Variants in PITPNC1 observed in about 807,000 individuals in gnomAD.
PITPNC1 encodes the protein phosphatidylinositol transfer protein cytoplasmic 1.
A neutral mutation model predicts 44.7 loss-of-function variants in PITPNC1; 18 were observed. That is an observed-to-expected ratio of 0.40 (90% CI 0.28 to 0.60). The LOEUF is 0.60. Among genes scored for constraint, PITPNC1 ranks in the 20% least tolerant of loss-of-function variants. PITPNC1 has a pLI of 0.39. For synonymous variants in PITPNC1, 141 were observed against 149.6 expected (o/e 0.94, Z 0.42); for missense variants, 290 against 418.4 (o/e 0.69, Z 2.68).
At chr17:67,617,583 G>A (rs906237868) in intron 5 of PITPNC1, among the ~76,000 whole-genome samples, 3 of 152,176 alleles carry the variant, frequency 2.0e-5, no homozygotes, top group African/African-American at 7.2e-5. Context: ...CAAATTGGGT[G>A]GTTTGAGACA....
rs1262667265 is a variant in PITPNC1, at chr17:67,694,724, T to C, written c.*1836T>C. On this transcript the variant is annotated 3_prime_UTR_variant, in exon 9 of 9. Coordinates refer to ENST00000581322, the MANE Select transcript of PITPNC1 (RefSeq NM_012417.4). ...ATGATAGTATCTTAGTAAGACACCT[T>C]CTATGCATGGTATGGAAGCATGATT... 6.6e-6 allele frequency: 1 copy of C among 152,220 alleles called. No homozygotes were observed. The highest frequency in any genetic ancestry group is 2.4e-5 in the African/African-American group (1 of 41,460). 9.4% of individuals were successfully genotyped at this position (152,220 alleles called of 1,614,324 possible).
At chr17:67,390,799 G>C (rs2038126827) in intron 1 of PITPNC1, among the ~76,000 whole-genome samples, 2 of 152,188 alleles carry the variant, frequency 1.3e-5, no homozygotes, top group African/African-American at 4.8e-5. Flanking sequence ...GGAGGAGGGA[G>C]TCTGGGGTCA....
chr17:67,483,476 C>T (rs575652271), intron 1 of PITPNC1, among the ~76,000 whole-genome samples: 98 of 152,250 alleles, frequency 6.4e-4, no homozygotes, highest in Middle Eastern at 6.8e-3. Flanking sequence ...TATTGTAAAG[C>T]GGTCAAAGAG....
intron 1 of PITPNC1, among the ~76,000 whole-genome samples, chr17:67,399,867 A>G (rs920815539): frequency 6.6e-6 from 1 of 152,192 alleles, no homozygotes; most frequent in African/African-American, 2.4e-5. Context: ...AAGAGTGTGG[A>G]CACGGAAGAC....
At chr17:67,682,659 T>C (rs955802944) in intron 8 of PITPNC1, among the ~76,000 whole-genome samples, 1 of 152,170 alleles carries the variant, frequency 6.6e-6, no homozygotes, top group African/African-American at 2.4e-5. Context: ...TCAAAGATAT[T>C]AGGATGCACT....
chr17:67,652,139 C>A (rs761711336), intron 6 of PITPNC1, among the ~76,000 whole-genome samples: 4 of 152,184 alleles, frequency 2.6e-5, no homozygotes, highest in African/African-American at 4.8e-5. Flanking sequence ...ACAGGGCAAG[C>A]CCCTGTTGGC....
At chr17:67,622,514 C>CTTTT (rs1254933576) in intron 5 of PITPNC1, among the ~76,000 whole-genome samples, 2 of 118,968 alleles carry the variant, frequency 1.7e-5, no homozygotes, top group Admixed American at 8.9e-5. Flanking sequence ...GTAGCCTGGA[C>CTTTT]TTTTTTTTTT....
chr17:67,550,091 TCA>T (rs1168384411), intron 2 of PITPNC1, among the ~76,000 whole-genome samples: 2 of 152,116 alleles, frequency 1.3e-5, no homozygotes, highest in Non-Finnish European at 2.9e-5. Flanking sequence ...ATGGAATACA[TCA>T]TCAGCGAAAG....
At chr17:67,391,641 C>G (rs946306776) in intron 1 of PITPNC1, among the ~76,000 whole-genome samples, 2 of 152,102 alleles carry the variant, frequency 1.3e-5, no homozygotes, top group African/African-American at 4.8e-5. Flanking sequence ...CCGCCACGCC[C>G]GGCTAATTTT....
At chr17:67,675,677 C>A in intron 8 of PITPNC1, 135 bp downstream of exon 8, 1 of 682,530 alleles carries the variant, frequency 1.5e-6, no homozygotes. Flanking sequence ...GGAAATAGCA[C>A]TGTCTGCCAA....
chr17:67,672,554 G>A (rs943306582), intron 7 of PITPNC1, among the ~76,000 whole-genome samples: 8 of 151,744 alleles, frequency 5.3e-5, no homozygotes, highest in African/African-American at 7.3e-5. Flanking sequence ...AGCCTAGGTC[G>A]CGCCACTGCA....
intron 6 of PITPNC1, among the ~76,000 whole-genome samples, chr17:67,668,731 G>A (rs577065785): frequency 1.6e-4 from 24 of 151,986 alleles, no homozygotes; most frequent in Non-Finnish European, 2.5e-4. Flanking sequence ...GCGTGGTGGC[G>A]GGCACCTGTA....
At chr17:67,394,237 C>A (rs545117974) in intron 1 of PITPNC1, among the ~76,000 whole-genome samples, 1 of 152,252 alleles carries the variant, frequency 6.6e-6, no homozygotes, top group African/African-American at 2.4e-5. Context: ...TTATGTGGCC[C>A]AGGCTGGTCT....
At chr17:67,582,223 C>G (rs767829085) in intron 5 of PITPNC1, among the ~76,000 whole-genome samples, 2 of 152,078 alleles carry the variant, frequency 1.3e-5, no homozygotes, top group Non-Finnish European at 2.9e-5. Flanking sequence ...TGCTCTTTTT[C>G]TGTCCTGGGT....
chr17:67,403,699 C>A, intron 1 of PITPNC1, among the ~76,000 whole-genome samples: 1 of 152,106 alleles, frequency 6.6e-6, no homozygotes, highest in Non-Finnish European at 1.5e-5. Context: ...ACAAAATTAC[C>A]CCCATCATTA....
At chr17:67,617,214 C>T (rs986355195) in intron 5 of PITPNC1, among the ~76,000 whole-genome samples, 2 of 152,168 alleles carry the variant, frequency 1.3e-5, no homozygotes, top group African/African-American at 4.8e-5. Context: ...CCTTTAAAAA[C>T]CAGAGAGTTG....
At chr17:67,554,588 A>G (rs2040811065) in intron 4 of PITPNC1, among the ~76,000 whole-genome samples, 1 of 152,148 alleles carries the variant, frequency 6.6e-6, no homozygotes, top group Admixed American at 6.5e-5. Flanking sequence ...CTGTGTTAAG[A>G]GTTGAGTTTT....
At chr17:67,682,981 G>A (rs1485417224) in intron 8 of PITPNC1, among the ~76,000 whole-genome samples, 1 of 151,956 alleles carries the variant, frequency 6.6e-6, no homozygotes. Flanking sequence ...CCAACATGGT[G>A]AAACCCCGTC....
intron 1 of PITPNC1, among the ~76,000 whole-genome samples, chr17:67,412,618 G>GTC (rs954513038): frequency 6.7e-6 from 1 of 150,120 alleles, no homozygotes; most frequent in African/African-American, 2.5e-5. Flanking sequence ...CCATGCTGGA[G>GTC]TGCAGTGGTG....
Sources: allele counts gnomAD v4.1 joint callset (sites outside exome capture counted in the v4.1 genomes callset), GRCh38; gene constraint gnomAD v4.1.1; transcripts MANE v1.5; gene names NCBI Gene and HGNC (gene_info 2026-07-23, HGNC 2026-07-21).